NLGN1: variants seen among roughly 807,000 people sequenced by gnomAD.
NLGN1 encodes the protein neuroligin-1.
In NLGN1, 12 loss-of-function variants were observed where a neutral mutation model predicts 65.5. That is an observed-to-expected ratio of 0.18 (90% CI 0.12 to 0.30). The LOEUF (loss-of-function observed/expected upper bound fraction) is 0.30. Ranked by LOEUF, NLGN1 falls within the 10% of genes least tolerant of loss-of-function variation. NLGN1 has a pLI of 1.00. For missense variants in NLGN1, 750 were observed against 1,007.1 expected (o/e 0.74, Z 3.46); for synonymous variants, 350 against 359.5 (o/e 0.97, Z 0.30).
intron 4 of NLGN1, among the ~76,000 whole-genome samples, chr3:174,139,363 C>G (rs115453964): frequency 4.1e-4 from 63 of 151,898 alleles, no homozygotes; most frequent in Non-Finnish European, 8.4e-4. Flanking sequence ...TGGAATCACA[C>G]GATACATAGC....
intron 4 of NLGN1, among the ~76,000 whole-genome samples, chr3:174,265,548 T>C (rs934005741): frequency 1.3e-5 from 2 of 151,604 alleles, no homozygotes; most frequent in Non-Finnish European, 2.9e-5. Flanking sequence ...TCGCACACGG[T>C]GCGCGCACCC....
At position 173,898,118 on chromosome 3, in the gene NLGN1, C is replaced by A. The variant is rs147710744; in HGVS notation, c.646+90286C>A. 3.3e-5 allele frequency among the ~76,000 whole-genome samples: 5 copies of A among 152,220 alleles called. No individual in the cohort carries two copies. The East Asian group carries it at 9.7e-4, about 29-fold the overall frequency. On this transcript the variant is annotated intron_variant, in intron 4 of 6. Transcript: ENST00000457714. ...GGTAATTTCTTTACTTAGGCATCTC[C>A]CTATTACTTGTAACAATTCTAAATT...
intron 2 of NLGN1, among the ~76,000 whole-genome samples, chr3:173,446,626 C>G (rs1289421295): frequency 6.6e-5 from 10 of 152,152 alleles, no homozygotes; most frequent in Admixed American, 6.5e-4. Context: ...TTCCAGATCC[C>G]TGAGGAATTG....
intron 4 of NLGN1, among the ~76,000 whole-genome samples, chr3:174,065,289 T>C (rs1738273395): frequency 6.6e-6 from 1 of 151,960 alleles, no homozygotes; most frequent in South Asian, 2.1e-4. Context: ...ATGTGTGTGT[T>C]TCTGTGAGAG....
intron 2 of NLGN1, among the ~76,000 whole-genome samples, chr3:173,552,968 T>A (rs1203943228): frequency 6.6e-6 from 1 of 152,168 alleles, no homozygotes; most frequent in Non-Finnish European, 1.5e-5. Flanking sequence ...ACATAAAATC[T>A]TGCTAAAAAT....
chr3:173,469,548 C>G (rs1050761815), intron 2 of NLGN1, among the ~76,000 whole-genome samples: 1 of 151,884 alleles, frequency 6.6e-6, no homozygotes, highest in Non-Finnish European at 1.5e-5. Context: ...GGAGAATATT[C>G]CTAAGGCAGA....
chr3:173,541,666 T>G (rs181887246), intron 2 of NLGN1, among the ~76,000 whole-genome samples: 1 of 152,272 alleles, frequency 6.6e-6, no homozygotes, highest in East Asian at 1.9e-4. Context: ...TCTAAAAATG[T>G]CTTTATTCAG....
intron 2 of NLGN1, chr3:173,584,581 A>G (rs888942648): frequency 6.6e-6 from 1 of 152,056 alleles, no homozygotes; most frequent in African/African-American, 2.4e-5. Context: ...TCAATTTCCA[A>G]TCGAGATAAA....
intron 4 of NLGN1, among the ~76,000 whole-genome samples, chr3:174,137,108 A>G (rs2152682794): frequency 1.3e-5 from 2 of 152,252 alleles, no homozygotes; most frequent in Admixed American, 1.3e-4. Context: ...AAAGTGAAAA[A>G]CAGAATGGTT....
intron 4 of NLGN1, among the ~76,000 whole-genome samples, chr3:174,254,545 C>T (rs1045862507): frequency 1.3e-5 from 2 of 151,798 alleles, no homozygotes; most frequent in African/African-American, 4.8e-5. Flanking sequence ...AATTATTATG[C>T]CCATAATCAT....
At chr3:173,914,592 G>C (rs1241558267) in intron 4 of NLGN1, among the ~76,000 whole-genome samples, 1 of 151,902 alleles carries the variant, frequency 6.6e-6, no homozygotes, top group African/African-American at 2.4e-5. Context: ...ACATCGTCAA[G>C]CTCTGGGACC....
Position 173,832,126 on chromosome 3 carries a change from T to TA in NLGN1, c.646+24310dup, listed in dbSNP as rs35612566. Among the ~76,000 whole-genome samples, 138 of 147,600 alleles carry TA rather than the reference T, an allele frequency of 9.3e-4. 1 individual carries two copies. The highest frequency in any genetic ancestry group is 7.1e-3 in the Middle Eastern group (2 of 282). ...TGCTCGCCTCCAAGCCCAGCTAAAT[T>TA]AAAAAAAAAAAAAAAACTGTAGAGA... On this transcript the variant is annotated intron_variant, in intron 4 of 6. Transcript: ENST00000457714.
At chr3:173,783,812 A>G (rs1781545789) in intron 3 of NLGN1, among the ~76,000 whole-genome samples, 1 of 152,076 alleles carries the variant, frequency 6.6e-6, no homozygotes, top group African/African-American at 2.4e-5. Flanking sequence ...ACAGAGTTTC[A>G]CCATCTTGGC....
chr3:173,801,708 G>A (rs1439692163), intron 3 of NLGN1, among the ~76,000 whole-genome samples: 3 of 151,854 alleles, frequency 2.0e-5, no homozygotes, highest in African/African-American at 4.8e-5. Context: ...TATTTACCAC[G>A]AACACCAGCA....
At chr3:173,770,744 GAAAATGGCAGTGTGCATCCCA>G (rs1453910531) in intron 3 of NLGN1, among the ~76,000 whole-genome samples, 5 of 151,992 alleles carry the variant, frequency 3.3e-5, no homozygotes, top group African/African-American at 9.7e-5. Flanking sequence ...TCTGTGAAAT[GAAAATGGCAGTGTGCATCCCA>G]AAAAAGGCTT....
chr3:174,002,107 T>TA (rs1206309917), intron 4 of NLGN1, among the ~76,000 whole-genome samples: 1 of 151,650 alleles, frequency 6.6e-6, no homozygotes, highest in African/African-American at 2.4e-5. Flanking sequence ...ATGAGACTCT[T>TA]ATGGGGAAGG....
At chr3:173,629,936 G>A (rs1376579961) in intron 3 of NLGN1, among the ~76,000 whole-genome samples, 2 of 152,062 alleles carry the variant, frequency 1.3e-5, no homozygotes, top group African/African-American at 2.4e-5. Context: ...AAAAGATAGT[G>A]TATGCCAAAA....
At chr3:174,004,060 T>A (rs867369710) in intron 4 of NLGN1, among the ~76,000 whole-genome samples, 1 of 152,150 alleles carries the variant, frequency 6.6e-6, no homozygotes, top group South Asian at 2.1e-4. Flanking sequence ...GATTGGGTTT[T>A]GTTTTTCAGT....
At chr3:173,830,007 T>TGGGGGGCGGGG (rs1553863518) in intron 4 of NLGN1, among the ~76,000 whole-genome samples, 3 of 128,598 alleles carry the variant, frequency 2.3e-5, no homozygotes, top group Admixed American at 7.4e-5. Flanking sequence ...GTGGGTAGTG[T>TGGGGGGCGGGG]GGGGGGGGGA....
Sources: gnomAD v4.1 joint callset for allele counts (sites outside exome capture counted in the v4.1 genomes callset) on GRCh38, gnomAD v4.1.1 for gene constraint, MANE v1.5 for transcripts, NCBI Gene and HGNC (gene_info 2026-07-23, HGNC 2026-07-21) for gene names.